MOCOS: variants seen among roughly 807,000 people sequenced by gnomAD.
MOCOS encodes human molybdenum cofactor sulfurase.
MOCOS carries 86 observed loss-of-function variants against 83.6 expected under a neutral mutation model. The observed-to-expected ratio is 1.03, with a 90% confidence interval of 0.86 to 1.23. The LOEUF (loss-of-function observed/expected upper bound fraction) is 1.23, where lower values mean the gene tolerates loss of function less well. Ranked by LOEUF, MOCOS falls within the 50% of genes most tolerant of loss-of-function variation. The probability of loss-of-function intolerance (pLI) is 0.00; values close to 1 mark genes in which losing one functional copy is unlikely to be tolerated. For missense variants in MOCOS, 1,120 were observed against 1,126.9 expected (o/e 0.99, Z 0.09); for synonymous variants, 445 against 434.7 (o/e 1.02, Z -0.29).
intron 9 of MOCOS, among the ~76,000 whole-genome samples, chr18:36,235,625 A>G (rs1291675223): frequency 1.3e-5 from 2 of 148,834 alleles, no homozygotes; most frequent in Non-Finnish European, 3.0e-5. Flanking sequence ...AGCATGATTT[A>G]TAGTCCTTTG....
rs140519617 is a variant in MOCOS at position 36,251,306 on chromosome 18, G to A, written c.2164+23G>A. 5.9e-5 allele frequency: 95 copies of A among 1,612,778 alleles called. No individual in the cohort carries two copies. In the East Asian group the frequency reaches 1.1e-3, roughly 18 times the overall value. On this transcript the variant is annotated intron_variant, in intron 11 of 14. Coordinates refer to ENST00000261326, the MANE Select transcript of MOCOS (RefSeq NM_017947.4). Reference sequence around the variant, plus strand: ...AAGGTATTACATTTTGAATTGGTTCGTAGAGAACAGGAACCCTGGCTTACC... The same window carrying A: ...AAGGTATTACATTTTGAATTGGTTCATAGAGAACAGGAACCCTGGCTTACC...
At chr18:36,256,206 T>G (rs1477505365) in intron 11 of MOCOS, among the ~76,000 whole-genome samples, 2 of 151,998 alleles carry the variant, frequency 1.3e-5, no homozygotes, top group Non-Finnish European at 2.9e-5. Flanking sequence ...CTTTTAGTAG[T>G]TTTTAAACAT....
rs1235418909 is a variant in MOCOS, at chr18:36,200,094, G to A, written c.711G>A (p.Leu237=). The A allele has an allele frequency of 3.1e-6, 5 of 1,614,072 alleles. No individual in the cohort carries two copies. The Admixed American group carries it at 8.3e-5, about 27-fold the overall frequency. Residue 237 remains leucine, a synonymous_variant, in exon 4 of 15, where the codon CTG becomes CTA. Coordinates refer to ENST00000261326, the MANE Select transcript of MOCOS (RefSeq NM_017947.4). ...CGCCTGGGAAGTGGTTTGTGCTGCT[G>A]GATGCAGCCTCCTACGTGAGCACCT... ...VSTPGKWFVL[L]DAASYVSTSP...
chr18:36,271,770 G>A lies in MOCOS; in HGVS notation c.*3085G>A, dbSNP rs188936918. ...TGGTGAGCATCAAGAATCCTTTAAG[G>A]AGGGTGGCGGTGCTGACTTCTCCCC... On this transcript the variant is annotated 3_prime_UTR_variant, in exon 15 of 15. Coordinates refer to ENST00000261326, the MANE Select transcript of MOCOS (RefSeq NM_017947.4). The A allele has an allele frequency of 7.2e-5, 11 of 152,332 alleles. No individual in the cohort carries two copies. The highest frequency in any genetic ancestry group is 2.4e-4 in the African/African-American group (10 of 41,578). The allele number at this position is 152,332 out of a possible 1,614,324, so 9.4% of individuals were successfully genotyped here.
intron 8 of MOCOS, 138 bp downstream of exon 8, chr18:36,216,115 C>A: frequency 2.2e-6 from 2 of 930,156 alleles, no homozygotes; most frequent in Non-Finnish European, 1.6e-6. Flanking sequence ...CTCACTCTCC[C>A]TTTCTTGGTC....
intron 1 of MOCOS, among the ~76,000 whole-genome samples, chr18:36,188,965 C>A (rs1252487756): frequency 6.6e-6 from 1 of 151,914 alleles, no homozygotes; most frequent in Non-Finnish European, 1.5e-5. Flanking sequence ...AATTTCCTAC[C>A]ACTCAGAAAT....
At chr18:36,215,480 G>T in intron 7 of MOCOS, 36 bp from the exon 8 acceptor site, 1 of 1,587,742 alleles carries the variant, frequency 6.3e-7, no homozygotes, top group South Asian at 1.1e-5. Context: ...ATGAGAAAGG[G>T]GTCACTCTGG....
chr18:36,239,822 C>A, intron 9 of MOCOS, among the ~76,000 whole-genome samples: 1 of 151,544 alleles, frequency 6.6e-6, no homozygotes, highest in East Asian at 1.9e-4. Context: ...TTCTTGGAGG[C>A]TTTGCTCGTT....
chr18:36,255,443 A>T (rs1278083776), intron 11 of MOCOS, among the ~76,000 whole-genome samples: 4 of 152,170 alleles, frequency 2.6e-5, no homozygotes, highest in African/African-American at 9.7e-5. Flanking sequence ...CAAGCTTTAG[A>T]GACTTTTATT....
At chr18:36,202,701 A>T (rs2091419196) in intron 4 of MOCOS, among the ~76,000 whole-genome samples, 1 of 152,208 alleles carries the variant, frequency 6.6e-6, no homozygotes, top group Non-Finnish European at 1.5e-5. Flanking sequence ...TGGGTAATTT[A>T]TAAACAAAGG....
chr18:36,256,881 C>A (rs1356800973), intron 11 of MOCOS, 87 bp from the exon 12 acceptor site: 3 of 1,198,282 alleles, frequency 2.5e-6, no homozygotes, highest in Non-Finnish European at 3.7e-6. Context: ...TAGTCTCTAC[C>A]TTTTAAAAAA....
chr18:36,254,522 G>GGA (rs530067800), intron 11 of MOCOS, among the ~76,000 whole-genome samples: 5 of 142,538 alleles, frequency 3.5e-5, no homozygotes, highest in East Asian at 4.2e-4. Flanking sequence ...AGAGCGAGAG[G>GGA]GAGAGAGAGA....
Position 36,268,830 on chromosome 18 carries a change from T to C in MOCOS, c.*145T>C. 1.4e-6 allele frequency: 1 copy of C among 728,926 alleles called. No individual in the cohort carries two copies. Among genetic ancestry groups the C allele is most frequent in the Non-Finnish European group, 2.3e-6 (1 of 439,378 alleles). The allele number at this position is 728,926 out of a possible 1,614,324, so 45.2% of individuals were successfully genotyped here. A position where few individuals can be genotyped will look rare whatever the true frequency, so the allele number is the denominator to read the frequency against. ...GGGAATGCTCTCACCTGCTTCCTTC[T>C]GCCTTTGACTTCTCACCCTGCAAAT... On this transcript the variant is annotated 3_prime_UTR_variant, in exon 15 of 15. Transcript: ENST00000261326.
intron 9 of MOCOS, among the ~76,000 whole-genome samples, chr18:36,240,525 C>G (rs2091577492): frequency 6.7e-6 from 1 of 150,272 alleles, no homozygotes; most frequent in African/African-American, 2.5e-5. Flanking sequence ...GGGAGAACCA[C>G]TATTCTCTTC....
intron 9 of MOCOS, among the ~76,000 whole-genome samples, chr18:36,241,606 G>C (rs192311210): frequency 2.8e-4 from 43 of 152,324 alleles, no homozygotes; most frequent in Admixed American, 1.8e-3. Context: ...TCTTCTCACA[G>C]CTCCACTAGG....
intron 5 of MOCOS, 81 bp from the exon 6 acceptor site, chr18:36,204,996 C>A (rs1418127436): frequency 6.4e-4 from 271 of 425,524 alleles, no homozygotes; most frequent in African/African-American, 2.9e-3. Flanking sequence ...GACCGTGTCT[C>A]AAAAAAAAAA....
rs1598871599 is a variant in MOCOS at position 36,199,924 on chromosome 18, G to A, written c.541G>A (p.Glu181Lys). 5.6e-6 allele frequency: 9 copies of A among 1,614,080 alleles called. No homozygotes were observed. The South Asian group carries it at 8.8e-5, about 16-fold the overall frequency. Reference sequence around the variant, plus strand: ...CAGGCCAGAGGACCTGTGGTCTGCAGAGGAACGTAGTGCTTCAGCCAGCAA... The same window carrying A: ...CAGGCCAGAGGACCTGTGGTCTGCAAAGGAACGTAGTGCTTCAGCCAGCAA... The part of the protein sequence containing the change: ...PVRPEDLWSA[E>K]ERSASASNPD... Residue 181 changes from glutamate (E) to lysine (K), a missense_variant, in exon 4 of 15, where the codon GAG (glutamate) becomes AAG (lysine). Glu to Lys is a moderately conservative substitution (Grantham distance 56). Coordinates refer to ENST00000261326, the MANE Select transcript of MOCOS (RefSeq NM_017947.4).
Position 36,260,093 on chromosome 18 carries a change from G to C in MOCOS, c.2327G>C (p.Arg776Pro). The C allele has an allele frequency of 6.2e-7, 1 of 1,614,154 alleles. No homozygotes were observed. ...CTGAAGGATCTCAGCTTGCGTTTTC[G>C]TGCCAATATTATTATCAATGGAAAA... Reference protein sequence around the residue: ...FSLKDLSLRFRANIIINGKRA... With the variant: ...FSLKDLSLRFPANIIINGKRA... Residue 776 changes from arginine (R) to proline (P), a missense_variant, in exon 13 of 15, where the codon CGT becomes CCT. Coordinates refer to ENST00000261326, the MANE Select transcript of MOCOS (RefSeq NM_017947.4).
chr18:36,260,123 CT>C lies in MOCOS; in HGVS notation c.2361del (p.Phe787LeufsTer27). 2 of 1,614,112 alleles carry C rather than the reference CT, an allele frequency of 1.2e-6. No individual in the cohort carries two copies. Among genetic ancestry groups the C allele is most frequent in the South Asian group, 1.1e-5 (1 of 91,084 alleles). On this transcript the variant is annotated frameshift_variant, in exon 13 of 15. Transcript: ENST00000261326. LOFTEE classifies it high-confidence loss of function. ...AATATTATTATCAATGGAAAAAGGGCTTTTGAAGAAGAGAAATGGGATGAGA... is the reference window on the plus strand; with the variant it reads ...AATATTATTATCAATGGAAAAAGGGCTTTGAAGAAGAGAAATGGGATGAGA... ...RANIIINGKR[A>X]FEEEKWDEIS...
Sources: allele counts gnomAD v4.1 joint callset (sites outside exome capture counted in the v4.1 genomes callset), GRCh38; gene constraint gnomAD v4.1.1; transcripts MANE v1.5; gene names NCBI Gene and HGNC (gene_info 2026-07-23, HGNC 2026-07-21).